The following SLC9B1 variants were observed in gnomAD, a reference collection of about 807,000 sequenced individuals.
SLC9B1 encodes sodium/hydrogen exchanger 9B1.
SLC9B1 carries 32 observed loss-of-function variants against 51.7 expected under a neutral mutation model. The ratio of observed to expected loss-of-function variants is 0.62; its 90% confidence interval spans 0.47 to 0.83. The LOEUF is 0.83. Among genes scored for constraint, SLC9B1 ranks in the 40% least tolerant of loss-of-function variants. SLC9B1 has a pLI of 0.00. For synonymous variants in SLC9B1, 145 were observed against 212.7 expected, an observed-to-expected ratio of 0.68 and a Z score of 2.77; for missense variants, 406 against 613.2, an observed-to-expected ratio of 0.66 and a Z score of 3.57.
chr4:102,970,996 T>C lies in SLC9B1; in HGVS notation c.211+18804A>G, dbSNP rs188986295. ...CACCCAGATTCATAAAGCAAGTCCT[T>C]AGAGACCTACAAAGAGACCTAGACA... On this transcript the variant is annotated intron_variant, in intron 3 of 11. Transcript: ENST00000296422. 4.1e-3 allele frequency among the ~76,000 whole-genome samples: 619 copies of C among 152,210 alleles called. 3 individuals are homozygous for C. The highest frequency in any genetic ancestry group is 0.014 in the African/African-American group (572 of 41,536).
chr4:102,915,619 G>A (rs1484511408), intron 7 of SLC9B1, among the ~76,000 whole-genome samples: 1 of 152,196 alleles, frequency 6.6e-6, no homozygotes, highest in African/African-American at 2.4e-5. Context: ...CTAGGCTCAA[G>A]TGGTCCTCCC....
intron 3 of SLC9B1, among the ~76,000 whole-genome samples, chr4:102,955,171 G>A (rs1737721308): frequency 6.6e-6 from 1 of 151,964 alleles, no homozygotes; most frequent in African/African-American, 2.4e-5. Context: ...TCATGGGGGT[G>A]GTTCCCCCCA....
downstream of SLC9B1, chr4:102,898,244 C>G: frequency 2.0e-6 from 1 of 511,126 alleles, no homozygotes; most frequent in Non-Finnish European, 3.9e-6. Context: ...TTATTTAAAA[C>G]TGATCAGGGA....
At chr4:102,981,299 C>T (rs1739344814) in intron 3 of SLC9B1, among the ~76,000 whole-genome samples, 1 of 152,082 alleles carries the variant, frequency 6.6e-6, no homozygotes, top group Admixed American at 6.6e-5. Flanking sequence ...AATAAGGTTG[C>T]CATAAACATC....
At chr4:102,968,387 T>C (rs1738544150) in intron 3 of SLC9B1, among the ~76,000 whole-genome samples, 1 of 152,122 alleles carries the variant, frequency 6.6e-6, no homozygotes, top group Non-Finnish European at 1.5e-5. Flanking sequence ...ACTATAAAAC[T>C]TCTAGGAAAA....
chr4:102,923,205 T>G (rs1022234918), intron 7 of SLC9B1, among the ~76,000 whole-genome samples: 1 of 152,130 alleles, frequency 6.6e-6, no homozygotes, highest in African/African-American at 2.4e-5. Flanking sequence ...ATCAAAAAGC[T>G]TATCCACCAC....
chr4:102,956,556 C>G (rs1737825773), intron 3 of SLC9B1, among the ~76,000 whole-genome samples: 1 of 152,110 alleles, frequency 6.6e-6, no homozygotes, highest in South Asian at 2.1e-4. Context: ...AACATAATGT[C>G]TCTCCAAAAT....
At chr4:102,918,199 C>G (rs1286183078) in intron 7 of SLC9B1, among the ~76,000 whole-genome samples, 1 of 150,932 alleles carries the variant, frequency 6.6e-6, no homozygotes, top group Non-Finnish European at 1.5e-5. Flanking sequence ...GACTCAACTT[C>G]TTTTAGGAAC....
At chr4:103,014,628 G>T (rs1741229514) in intron 1 of SLC9B1, among the ~76,000 whole-genome samples, 1 of 152,090 alleles carries the variant, frequency 6.6e-6, no homozygotes, top group Admixed American at 6.5e-5. Flanking sequence ...TATTTGAATT[G>T]CCTAACATAG....
intron 1 of SLC9B1, among the ~76,000 whole-genome samples, chr4:103,001,354 C>CA (rs1740515831): frequency 6.6e-6 from 1 of 152,206 alleles, no homozygotes; most frequent in Admixed American, 6.5e-5. Flanking sequence ...ACTTCTCCCC[C>CA]AAAAATGGAT....
chr4:103,008,405 C>T (rs1234400265), intron 1 of SLC9B1, among the ~76,000 whole-genome samples: 2 of 146,568 alleles, frequency 1.4e-5, no homozygotes, highest in Non-Finnish European at 3.0e-5. Context: ...TCTAAGTTCT[C>T]TGTTTTTCAT....
At chr4:102,923,516 T>C (rs1735991803) in intron 7 of SLC9B1, among the ~76,000 whole-genome samples, 1 of 152,024 alleles carries the variant, frequency 6.6e-6, no homozygotes, top group Admixed American at 6.6e-5. Context: ...ACAAGGATGC[T>C]CTCTCTCATC....
intron 1 of SLC9B1, among the ~76,000 whole-genome samples, chr4:103,005,904 A>G (rs1397069441): frequency 6.6e-6 from 1 of 152,222 alleles, no homozygotes; most frequent in Admixed American, 6.5e-5. Flanking sequence ...ACTATTGAGA[A>G]CAAAGATACA....
At chr4:102,891,211 G>T (rs1201619056) in intron 11 of SLC9B1, 1 of 146,750 alleles carries the variant, frequency 6.8e-6, no homozygotes, top group Non-Finnish European at 1.5e-5. Context: ...ATTTTTAATG[G>T]TAGAGGCAGC....
intron 7 of SLC9B1, among the ~76,000 whole-genome samples, chr4:102,918,000 A>G (rs7375679): frequency 0.54 from 80,285 of 147,534 alleles, 22,396 homozygotes; most frequent in African/African-American, 0.68. Context: ...ACCGGGAGGC[A>G]GAGGCTGCAC....
intron 7 of SLC9B1, among the ~76,000 whole-genome samples, chr4:102,918,105 A>G (rs1735677902): frequency 2.0e-5 from 3 of 151,076 alleles, no homozygotes; most frequent in Middle Eastern, 3.4e-3. Context: ...AGAAAAAAAA[A>G]ACCCAATGAA....
At chr4:102,988,585 T>C (rs1403598217) in intron 3 of SLC9B1, among the ~76,000 whole-genome samples, 1 of 151,974 alleles carries the variant, frequency 6.6e-6, no homozygotes, top group Non-Finnish European at 1.5e-5. Context: ...TACCCAGAGA[T>C]TGAGATTCTA....
chr4:103,001,072 T>C (rs891564713), intron 1 of SLC9B1, among the ~76,000 whole-genome samples: 6 of 152,218 alleles, frequency 3.9e-5, no homozygotes, highest in Non-Finnish European at 2.9e-5. Context: ...TGTGCACCCA[T>C]GGGCCCAACA....
chr4:102,914,901 T>A (rs1735507046), intron 7 of SLC9B1, among the ~76,000 whole-genome samples: 1 of 152,010 alleles, frequency 6.6e-6, no homozygotes, highest in Non-Finnish European at 1.5e-5. Flanking sequence ...GAACTCCAAG[T>A]TGGATAATTT....
Sources: allele counts gnomAD v4.1 joint callset (sites outside exome capture counted in the v4.1 genomes callset), GRCh38; gene constraint gnomAD v4.1.1; transcripts MANE v1.5; gene names NCBI Gene and HGNC (gene_info 2026-07-23, HGNC 2026-07-21).